The following HEATR4 variants were observed in gnomAD, a reference collection of about 807,000 sequenced individuals.
The protein encoded by HEATR4 is HEAT repeat containing 4, also known as HEAT repeat-containing protein 4.
Under a neutral mutation model 108.8 loss-of-function variants are expected in HEATR4, and 95 were observed. The ratio of observed to expected loss-of-function variants is 0.87; its 90% CI spans 0.74 to 1.04. HEATR4 has a LOEUF of 1.04. Among genes scored for constraint, HEATR4 ranks in the 50% least tolerant of loss-of-function variants. The pLI, the probability that HEATR4 is intolerant of heterozygous loss-of-function variation, is 0.00. For synonymous variants in HEATR4, 443 were observed against 459.4 expected, an observed-to-expected ratio of 0.96 and a Z score of 0.46; for missense variants, 1,152 against 1,253.8, an observed-to-expected ratio of 0.92 and a Z score of 1.23.
chr14:73,624,422 C>T, the HEATR4 span, among the ~76,000 whole-genome samples: 1 of 152,064 alleles, frequency 6.6e-6, no homozygotes, highest in Non-Finnish European at 1.5e-5. Flanking sequence ...AGCCAACGCG[C>T]CCCGCCCAAA....
At chr14:73,526,860 A>T (rs1244809793) in intron 2 of HEATR4, among the ~76,000 whole-genome samples, 1 of 152,022 alleles carries the variant, frequency 6.6e-6, no homozygotes, top group Non-Finnish European at 1.5e-5. Flanking sequence ...TTCAGGTGTG[A>T]CCCAGTGCAC....
At chr14:73,613,054 C>A in the HEATR4 span, 1 of 660,920 alleles carries the variant, frequency 1.5e-6, no homozygotes, top group South Asian at 2.4e-5. Flanking sequence ...AGAATTTGGT[C>A]GAGCTCTGCG....
At chr14:73,487,273 A>G (rs1885489503) in intron 17 of HEATR4, among the ~76,000 whole-genome samples, 1 of 134,108 alleles carries the variant, frequency 7.5e-6, no homozygotes, top group African/African-American at 2.6e-5. Context: ...TGTTTAAAAA[A>G]TACTATATTT....
the HEATR4 span, among the ~76,000 whole-genome samples, chr14:73,600,244 A>G: frequency 1.9e-3 from 283 of 152,260 alleles, 1 homozygote; most frequent in African/African-American, 6.5e-3. Context: ...TTAGTGTTCA[A>G]TTTACTCTCT....
At chr14:73,602,033 T>C in the HEATR4 span, among the ~76,000 whole-genome samples, 3 of 151,758 alleles carry the variant, frequency 2.0e-5, no homozygotes, top group African/African-American at 7.3e-5. Flanking sequence ...CTCCACCTCC[T>C]GAGTTCAAGC....
chr14:73,543,446 A>T (rs1212821607), intron 1 of HEATR4: 2 of 983,886 alleles, frequency 2.0e-6, no homozygotes, highest in Admixed American at 5.1e-5. Flanking sequence ...GCCCCAGATC[A>T]TCTGTTACCC....
At chr14:73,573,338 A>C in the HEATR4 span, 49 of 1,611,394 alleles carry the variant, frequency 3.0e-5, no homozygotes. Context: ...AAACCATCCA[A>C]CTGTTTCAGG....
At chr14:73,506,824 T>TTTTTTTTTTTTTTTTTTTTTTTTGTTTG in intron 9 of HEATR4, among the ~76,000 whole-genome samples, 1 of 134,430 alleles carries the variant, frequency 7.4e-6, no homozygotes, top group Non-Finnish European at 1.5e-5. Flanking sequence ...TTTTTTTTTT[T>TTTTTTTTTTTTTTTTTTTTTTTTGTTTG]TCTGAGAAGG....
chr14:73,603,671 T>C, the HEATR4 span, among the ~76,000 whole-genome samples: 1 of 152,154 alleles, frequency 6.6e-6, no homozygotes, highest in East Asian at 1.9e-4. Context: ...TAAAGTCACA[T>C]GAACTAAAAG....
the HEATR4 span, chr14:73,612,775 G>T: frequency 7.3e-7 from 1 of 1,368,942 alleles, no homozygotes; most frequent in Non-Finnish European, 9.4e-7. Context: ...CGCCCGCGCT[G>T]GGAGGCAGCT....
intron 17 of HEATR4, among the ~76,000 whole-genome samples, chr14:73,484,587 C>T (rs1324978017): frequency 6.6e-6 from 1 of 151,978 alleles, no homozygotes; most frequent in Non-Finnish European, 1.5e-5. Flanking sequence ...ACTATGTTGG[C>T]CAGGCTGGTC....
chr14:73,524,667 C>T (rs1888219929), intron 2 of HEATR4, among the ~76,000 whole-genome samples: 2 of 149,598 alleles, frequency 1.3e-5, no homozygotes, highest in Non-Finnish European at 1.5e-5. Flanking sequence ...CAAATCTAGC[C>T]TACTAGATCA....
chr14:73,493,420 T>C (rs1280372123), intron 16 of HEATR4: 1 of 318,904 alleles, frequency 3.1e-6, no homozygotes, highest in South Asian at 5.6e-5. Flanking sequence ...TAGATTATTA[T>C]GTGGGATGGT....
Position 73,544,066 on chromosome 14 carries a change from G to A in HEATR4, c.-151-13822C>T, listed in dbSNP as rs1218811941. Among the ~76,000 whole-genome samples, 3 of 114,952 alleles carry A rather than the reference G, an allele frequency of 2.6e-5. 1 individual carries two copies. The highest frequency in any genetic ancestry group is 5.5e-4 in the South Asian group (2 of 3,626). 75.4% of individuals were successfully genotyped at this position (114,952 alleles called of 152,430 possible). A position where few individuals can be genotyped will look rare whatever the true frequency, so the allele number is the denominator to read the frequency against. On this transcript the variant is annotated intron_variant, in intron 1 of 17. Transcript: ENST00000553558. Reference sequence around the variant, plus strand: ...CTAGCACTTTGGGAGGCCAAGGTGCGCGGATTACTTGAGGTCAGGAGTTTG... The same window carrying A: ...CTAGCACTTTGGGAGGCCAAGGTGCACGGATTACTTGAGGTCAGGAGTTTG...
chr14:73,610,290 C>CTTT, the HEATR4 span, among the ~76,000 whole-genome samples: 6 of 140,428 alleles, frequency 4.3e-5, no homozygotes, highest in African/African-American at 2.6e-5. Flanking sequence ...TCAAGTGTCG[C>CTTT]TTTTTTTTTT....
the HEATR4 span, among the ~76,000 whole-genome samples, chr14:73,602,181 C>T: frequency 7.2e-5 from 11 of 152,170 alleles, no homozygotes; most frequent in East Asian, 1.9e-4. Context: ...CCTTGTGATC[C>T]GCCCGCCTCG....
the HEATR4 span, among the ~76,000 whole-genome samples, chr14:73,576,464 G>A: frequency 0.045 from 6,908 of 151,974 alleles, 269 homozygotes; most frequent in Non-Finnish European, 0.074. Flanking sequence ...ACATTATTGA[G>A]ATGAATTACA....
At chr14:73,517,813 A>G (rs1009070453) in intron 5 of HEATR4, among the ~76,000 whole-genome samples, 7 of 151,764 alleles carry the variant, frequency 4.6e-5, no homozygotes, top group Admixed American at 2.0e-4. Flanking sequence ...AAGAGGCTGG[A>G]CACGGTGGCT....
At chr14:73,525,969 G>T (rs1888309816) in intron 2 of HEATR4, among the ~76,000 whole-genome samples, 2 of 137,744 alleles carry the variant, frequency 1.5e-5, no homozygotes, top group South Asian at 4.6e-4. Flanking sequence ...AAAAAAAAAA[G>T]CATCTTCATA....
Sources: gnomAD v4.1 joint callset for allele counts (sites outside exome capture counted in the v4.1 genomes callset) on GRCh38, gnomAD v4.1.1 for gene constraint, MANE v1.5 for transcripts, NCBI Gene and HGNC (gene_info 2026-07-23, HGNC 2026-07-21) for gene names.